Variants in RAB27B observed in about 807,000 individuals in gnomAD.
RAB27B encodes ras-related protein Rab-27B.
Under a neutral mutation model 24.6 loss-of-function variants are expected in RAB27B, and 15 were observed. That is an observed-to-expected ratio of 0.61 (90% CI 0.41 to 0.94). RAB27B has a LOEUF of 0.94. RAB27B is among the 40% of genes least tolerant of loss of function. The probability of loss-of-function intolerance (pLI) is 0.00; values close to 1 mark genes in which losing one functional copy is unlikely to be tolerated. For synonymous variants in RAB27B, 105 were observed against 92.5 expected, an observed-to-expected ratio of 1.14 and a Z score of -0.78; for missense variants, 261 against 266.8, an observed-to-expected ratio of 0.98 and a Z score of 0.15.
chr18:54,745,665 A>G (rs189529379), intron 2 of RAB27B: 12 of 152,038 alleles, frequency 7.9e-5, no homozygotes, highest in African/African-American at 2.7e-4. Flanking sequence ...AAACATTAAT[A>G]AAAATAAAAG....
At chr18:54,864,943 G>C (rs58117239) in intron 1 of RAB27B, among the ~76,000 whole-genome samples, 10,168 of 152,090 alleles carry the variant, frequency 0.067, 1,158 homozygotes, top group African/African-American at 0.23. Context: ...GAAAAGGCAA[G>C]TAGATTTTGA....
rs1288817520 is a variant in RAB27B, at chr18:54,889,446, A to C, written c.*33A>C. 6.4e-7 allele frequency: 1 copy of C among 1,553,874 alleles called. No homozygotes were observed. Among genetic ancestry groups the C allele is most frequent in the Admixed American group, 1.9e-5 (1 of 51,330 alleles). On this transcript the variant is annotated 3_prime_UTR_variant, in exon 6 of 6. Transcript: ENST00000262094. ...ATAGAAACTGAACATCAAGAACCCC[A>C]CCAAAATATTACTTTTAAAAACAAT...
chr18:54,788,988 C>T (rs1029259941), intron 2 of RAB27B, among the ~76,000 whole-genome samples: 1 of 152,128 alleles, frequency 6.6e-6, no homozygotes, highest in African/African-American at 2.4e-5. Context: ...ATGAAATTCA[C>T]AAATTCACGG....
rs539538584 is a variant in RAB27B at position 54,834,053 on chromosome 18, C to A, written c.-20+5353C>A. 2.0e-5 allele frequency among the ~76,000 whole-genome samples: 3 copies of A among 152,256 alleles called. No individual in the cohort carries two copies. The South Asian group carries it at 6.2e-4, about 32-fold the overall frequency. ...TCAAGCTCTCATCCAAAGCTATAATCCTACAAATACAAGAACACAATTTGT... is the reference window on the plus strand; with the variant it reads ...TCAAGCTCTCATCCAAAGCTATAATACTACAAATACAAGAACACAATTTGT... On this transcript the variant is annotated intron_variant, in intron 1 of 5. Coordinates refer to ENST00000262094, the MANE Select transcript of RAB27B (RefSeq NM_004163.4).
chr18:54,840,152 G>T (rs112896303), intron 1 of RAB27B, among the ~76,000 whole-genome samples: 1 of 152,234 alleles, frequency 6.6e-6, no homozygotes, highest in African/African-American at 2.4e-5. Context: ...GTCTTCTTGA[G>T]TATCTTTCAT....
At chr18:54,749,656 A>G (rs1192950545) in intron 2 of RAB27B, among the ~76,000 whole-genome samples, 1 of 152,242 alleles carries the variant, frequency 6.6e-6, no homozygotes, top group African/African-American at 2.4e-5. Context: ...TCTAAAAAGA[A>G]TGTTATATTT....
chr18:54,760,423 A>C (rs1203093369), intron 2 of RAB27B, among the ~76,000 whole-genome samples: 1 of 152,110 alleles, frequency 6.6e-6, no homozygotes, highest in African/African-American at 2.4e-5. Flanking sequence ...GACAACTTGA[A>C]ATTTTATTCT....
intron 2 of RAB27B, among the ~76,000 whole-genome samples, chr18:54,819,555 AAAAG>A (rs1019422933): frequency 7.3e-5 from 11 of 150,192 alleles, no homozygotes; most frequent in African/African-American, 2.7e-4. Context: ...AAAGAAAAAA[AAAAG>A]AATAGATCAT....
Position 54,870,930 on chromosome 18 carries a change from C to T in RAB27B, c.-19-6637C>T, listed in dbSNP as rs1025265021. On this transcript the variant is annotated intron_variant, in intron 1 of 5. Coordinates refer to ENST00000262094, the MANE Select transcript of RAB27B (RefSeq NM_004163.4). ...ATTGATAATTTAGAAGCTGAGTGAT[C>T]GATTATACTATTCTCTCAAATTTAG... is the stretch of plus-strand genomic sequence containing the variant. Among the ~76,000 whole-genome samples the T allele has an allele frequency of 5.3e-4, 80 of 152,098 alleles. 1 individual carries two copies. Among genetic ancestry groups the T allele is most frequent in the Non-Finnish European group, 1.0e-3 (71 of 67,980 alleles).
At position 54,863,209 on chromosome 18, in the gene RAB27B, G is replaced by T. The variant is rs999159091; in HGVS notation, c.-19-14358G>T. Among the ~76,000 whole-genome samples, 12 of 152,068 alleles carry T rather than the reference G, an allele frequency of 7.9e-5. No individual in the cohort carries two copies. The East Asian group carries it at 2.3e-3, about 29-fold the overall frequency. On this transcript the variant is annotated intron_variant, in intron 1 of 5. Transcript: ENST00000262094. ...TGATTAAATACATAGATTATTAAAG[G>T]TACATATGATTGAATATATACAACT...
intron 1 of RAB27B, among the ~76,000 whole-genome samples, chr18:54,845,450 G>C (rs570968014): frequency 6.8e-6 from 1 of 146,598 alleles, no homozygotes; most frequent in African/African-American, 2.5e-5. Flanking sequence ...AAGAAAATAC[G>C]TCCCTTCGGA....
intron 2 of RAB27B, among the ~76,000 whole-genome samples, chr18:54,768,036 A>G (rs569409411): frequency 6.6e-6 from 1 of 152,276 alleles, no homozygotes; most frequent in Non-Finnish European, 1.5e-5. Context: ...TGGGGAAAGC[A>G]ATAATTACAG....
chr18:54,838,218 A>G (rs1325630772), intron 1 of RAB27B, among the ~76,000 whole-genome samples: 1 of 152,174 alleles, frequency 6.6e-6, no homozygotes, highest in East Asian at 1.9e-4. Flanking sequence ...TAAAAAAATT[A>G]CAGAATAATT....
chr18:54,792,717 T>C (rs976057375), intron 2 of RAB27B, among the ~76,000 whole-genome samples: 2 of 138,696 alleles, frequency 1.4e-5, no homozygotes, highest in African/African-American at 5.3e-5. Context: ...CCTAACAGTC[T>C]CTGGTGTTAA....
intron 2 of RAB27B, among the ~76,000 whole-genome samples, chr18:54,818,892 A>T (rs1304045287): frequency 6.6e-6 from 1 of 152,138 alleles, no homozygotes; most frequent in Non-Finnish European, 1.5e-5. Flanking sequence ...CAAAAATATG[A>T]CTATAAAAAT....
At chr18:54,818,052 G>A (rs1303369338) in intron 2 of RAB27B, among the ~76,000 whole-genome samples, 2 of 152,062 alleles carry the variant, frequency 1.3e-5, no homozygotes, top group Non-Finnish European at 2.9e-5. Context: ...GAATTTCAGT[G>A]GCTTTCTTGT....
chr18:54,754,210 G>GT (rs1273231070), intron 2 of RAB27B, among the ~76,000 whole-genome samples: 1 of 152,092 alleles, frequency 6.6e-6, no homozygotes, highest in Non-Finnish European at 1.5e-5. Flanking sequence ...AGATCTGGTG[G>GT]TTTTATAAGT....
At chr18:54,874,516 C>T (rs1240281891) in intron 1 of RAB27B, among the ~76,000 whole-genome samples, 1 of 149,820 alleles carries the variant, frequency 6.7e-6, no homozygotes, top group Non-Finnish European at 1.5e-5. Context: ...TTGCTCATGA[C>T]TTAGTGTTTC....
chr18:54,845,405 C>CAAACA (rs1911292481), intron 1 of RAB27B, among the ~76,000 whole-genome samples: 1 of 118,902 alleles, frequency 8.4e-6, no homozygotes, highest in Non-Finnish European at 1.7e-5. Context: ...GACTCCATCT[C>CAAACA]AAAAAAAAAA....
Sources: allele counts gnomAD v4.1 joint callset (sites outside exome capture counted in the v4.1 genomes callset), GRCh38; gene constraint gnomAD v4.1.1; transcripts MANE v1.5; gene names NCBI Gene and HGNC (gene_info 2026-07-23, HGNC 2026-07-21).